The following SLC18B1 variants were observed in gnomAD, a reference collection of about 807,000 sequenced individuals.
The protein encoded by SLC18B1 is MFS-type transporter SLC18B1.
Under a neutral mutation model 53.9 loss-of-function variants are expected in SLC18B1, and 62 were observed. The ratio of observed to expected loss-of-function variants is 1.15; its 90% CI spans 0.94 to 1.42. The LOEUF is 1.42. SLC18B1 is among the 40% of genes most tolerant of loss of function. The probability of loss-of-function intolerance (pLI) is 0.00; values close to 1 mark genes in which losing one functional copy is unlikely to be tolerated. For synonymous variants in SLC18B1, 217 were observed against 200.9 expected (o/e 1.08, Z -0.68); for missense variants, 598 against 547.3 (o/e 1.09, Z -0.93).
chr6:132,789,264 C>A (rs73550486), intron 4 of SLC18B1, among the ~76,000 whole-genome samples: 2 of 152,118 alleles, frequency 1.3e-5, no homozygotes, highest in Admixed American at 1.3e-4. Context: ...GTCAGGCCAG[C>A]GGGGCTTCAT....
At chr6:132,790,096 G>T in intron 3 of SLC18B1, 81 bp downstream of exon 3, 1 of 1,035,878 alleles carries the variant, frequency 9.7e-7, no homozygotes, top group Non-Finnish European at 1.4e-6. Flanking sequence ...CTGTATCAAT[G>T]CAAATTCTAG....
chr6:132,787,624 CTTTTT>C (rs5880140), intron 4 of SLC18B1, 43 bp from the exon 5 acceptor site: 2 of 1,212,508 alleles, frequency 1.6e-6, no homozygotes, highest in Non-Finnish European at 2.2e-6. Flanking sequence ...AGCTGGTTTT[CTTTTT>C]TTTTTTTTCC....
rs140487532 is a variant in SLC18B1 at position 132,790,159 on chromosome 6, T to C, written c.279+18A>G. The C allele has an allele frequency of 3.2e-5, 48 of 1,517,516 alleles. No homozygotes were observed. The East Asian group carries it at 1.2e-3, about 36-fold the overall frequency. 94.0% of individuals were successfully genotyped at this position (1,517,516 alleles called of 1,614,324 possible). ...TAATTTTTAAAAATTAAGATGTGCA[T>C]ATGAACTTTATACTTACATAGTTTC... On this transcript the variant is annotated intron_variant, in intron 3 of 13. Transcript: ENST00000275227.
In SLC18B1 at chr6:132,788,542, C is replaced by T. The variant is rs138754555; in HGVS notation, c.354-961G>A. On this transcript the variant is annotated intron_variant, in intron 4 of 13. Transcript: ENST00000275227. ...CCTTTTTAGAATATGTAGAATCAGC[C>T]GAGTGTGGTGGCTCACGCCTGTAAT... Among the ~76,000 whole-genome samples, 511 of 151,998 alleles carry T rather than the reference C, an allele frequency of 3.4e-3. 2 individuals carry two copies. The highest frequency in any genetic ancestry group is 5.4e-3 in the Non-Finnish European group (367 of 67,966).
intron 10 of SLC18B1, 48 bp from the exon 11 acceptor site, chr6:132,772,254 G>A: frequency 1.6e-6 from 2 of 1,261,372 alleles, no homozygotes; most frequent in Non-Finnish European, 2.2e-6. Flanking sequence ...GAAAACCTGT[G>A]TGAAAGAAAA....
intron 2 of SLC18B1, among the ~76,000 whole-genome samples, chr6:132,794,109 T>TTA (rs1781613046): frequency 6.9e-6 from 1 of 145,828 alleles, no homozygotes. Context: ...TTTTTTTAAT[T>TTA]TTTTTTTTTT....
intron 2 of SLC18B1, among the ~76,000 whole-genome samples, chr6:132,796,527 G>T (rs79280603): frequency 0.039 from 2,572 of 65,926 alleles, 97 homozygotes; most frequent in African/African-American, 0.15. Flanking sequence ...ACCCTGTCTC[G>T]AAAGGAAAAA....
At chr6:132,780,100 CT>C (rs35531173) in intron 6 of SLC18B1, among the ~76,000 whole-genome samples, 187 of 145,494 alleles carry the variant, frequency 1.3e-3, no homozygotes, top group Middle Eastern at 3.5e-3. Flanking sequence ...GCTTTTTTTT[CT>C]TTTTTTTTTT....
rs779395328 is a variant in SLC18B1 at position 132,774,216 on chromosome 6, A to G, written c.989+6T>C. 6.3e-7 allele frequency: 1 copy of G among 1,584,560 alleles called. No homozygotes were observed. Among genetic ancestry groups the G allele is most frequent in the Non-Finnish European group, 8.6e-7 (1 of 1,167,290 alleles). ...GGCCAAACATACAGAAGAAGAAAAA[A>G]ATTACCTTTTAATATGCAAGATTGG... On this transcript the variant is annotated splice_donor_region_variant and intron_variant, in intron 9 of 13. Coordinates refer to ENST00000275227, the MANE Select transcript of SLC18B1 (RefSeq NM_052831.3).
In SLC18B1 at chr6:132,787,473, G is replaced by C; in HGVS notation, c.462C>G (p.Ile154Met). The change falls in exon 5 of 14, where the codon ATC becomes ATG. Residue 154 changes from isoleucine (I) to methionine (M), a missense_variant. Transcript: ENST00000275227. ...FAAAMTASSS[I>M]LAKAFPNNVA... ...CGTTATTTGGAAAAGCCTTTGCCAGGATAGAAGAAGATGCAGTCATTGCTG... is the reference window on the plus strand; with the variant it reads ...CGTTATTTGGAAAAGCCTTTGCCAGCATAGAAGAAGATGCAGTCATTGCTG... 6.2e-7 allele frequency: 1 copy of C among 1,604,522 alleles called. No homozygotes were observed. Among genetic ancestry groups the C allele is most frequent in the South Asian group, 1.1e-5 (1 of 89,012 alleles).
chr6:132,779,623 AGAATCAACTG>A (rs1781179583), intron 6 of SLC18B1, among the ~76,000 whole-genome samples: 1 of 152,216 alleles, frequency 6.6e-6, no homozygotes, highest in African/African-American at 2.4e-5. Flanking sequence ...AAGTTTAAAA[AGAATCAACTG>A]GAATCAGAGT....
In SLC18B1 at chr6:132,774,397, C is replaced by T. The variant is rs190409813; in HGVS notation, c.898-84G>A. 78 of 1,055,852 alleles carry T rather than the reference C, an allele frequency of 7.4e-5. No individual in the cohort carries two copies. In the East Asian group the frequency reaches 1.7e-3, roughly 23 times the overall value. The allele number at this position is 1,055,852 out of a possible 1,614,324, so 65.4% of individuals were successfully genotyped here. A position where few individuals can be genotyped will look rare whatever the true frequency, so the allele number is the denominator to read the frequency against. ...AACAACGTAAAACATTAGTAAAAAACACAAATCATGATATTCAAAAACCCA... is the reference window on the plus strand; with the variant it reads ...AACAACGTAAAACATTAGTAAAAAATACAAATCATGATATTCAAAAACCCA... On this transcript the variant is annotated intron_variant, in intron 8 of 13. Coordinates refer to ENST00000275227, the MANE Select transcript of SLC18B1 (RefSeq NM_052831.3).
intron 4 of SLC18B1, 38 bp from the exon 5 acceptor site, chr6:132,787,619 G>GT (rs747175847): frequency 2.2e-5 from 32 of 1,456,526 alleles, no homozygotes; most frequent in Middle Eastern, 3.8e-4. Context: ...TGCCAAGCTG[G>GT]TTTTCTTTTT....
At chr6:132,780,310 G>A (rs1043956342) in intron 6 of SLC18B1, among the ~76,000 whole-genome samples, 1 of 151,826 alleles carries the variant, frequency 6.6e-6, no homozygotes, top group Non-Finnish European at 1.5e-5. Context: ...TGTTGCCCAG[G>A]CTGGTCTCAA....
intron 2 of SLC18B1, among the ~76,000 whole-genome samples, chr6:132,793,235 G>A (rs933270073): frequency 2.0e-5 from 3 of 152,200 alleles, no homozygotes; most frequent in African/African-American, 2.4e-5. Flanking sequence ...GAAAGGCACT[G>A]TTTTTCCTTT....
At chr6:132,780,241 C>T (rs1217406992) in intron 6 of SLC18B1, among the ~76,000 whole-genome samples, 2 of 152,138 alleles carry the variant, frequency 1.3e-5, no homozygotes, top group African/African-American at 4.8e-5. Flanking sequence ...GCTGGGACTA[C>T]AGGTGTGCAC....
rs1780992185 is a variant in SLC18B1 at position 132,772,133 on chromosome 6, C to T, written c.1159G>A (p.Gly387Ser). 7 of 1,564,906 alleles carry T rather than the reference C, an allele frequency of 4.5e-6. No individual in the cohort carries two copies. The highest frequency in any genetic ancestry group is 4.7e-5 in the East Asian group (2 of 42,538). ...GAAAGAAATTAAATGACTACTCACC[C>T]AATTGACCACATTGCACTAAAAAGA... ...SGLFSAMWSI[G>S]AFMGPTLGGF... The change falls in exon 11 of 14, where the codon GGT (glycine) becomes AGT (serine). Residue 387 changes from glycine (G) to serine (S), a missense_variant and splice_region_variant. Physicochemically the swap from Gly to Ser is moderately conservative, Grantham distance 56 (BLOSUM62 0). Coordinates refer to ENST00000275227, the MANE Select transcript of SLC18B1 (RefSeq NM_052831.3).
At chr6:132,789,721 A>C (rs1781474147) in intron 4 of SLC18B1, 43 bp downstream of exon 4, 1 of 1,352,010 alleles carries the variant, frequency 7.4e-7, no homozygotes, top group African/African-American at 1.4e-5. Context: ...GATACATTAC[A>C]AAATCTGTTC....
chr6:132,798,512 C>A lies in SLC18B1; in HGVS notation c.-56G>T. On this transcript the variant is annotated 5_prime_UTR_variant, in exon 1 of 14. Transcript: ENST00000275227. ...CCCGGCTTCAAGCCACGTCCTTGGACTCGACCTCCAAGGAGCCACTGGCAC... is the reference window on the plus strand; with the variant it reads ...CCCGGCTTCAAGCCACGTCCTTGGAATCGACCTCCAAGGAGCCACTGGCAC... 7.1e-7 allele frequency: 1 copy of A among 1,414,486 alleles called. No homozygotes were observed. 87.6% of individuals were successfully genotyped at this position (1,414,486 alleles called of 1,614,324 possible).
Sources: gnomAD v4.1 joint callset for allele counts (sites outside exome capture counted in the v4.1 genomes callset) on GRCh38, gnomAD v4.1.1 for gene constraint, MANE v1.5 for transcripts, NCBI Gene and HGNC (gene_info 2026-07-23, HGNC 2026-07-21) for gene names.